FCHSD2: variants seen among roughly 807,000 people sequenced by gnomAD.
FCHSD2 encodes the protein F-BAR and double SH3 domains protein 2.
In FCHSD2, 38 loss-of-function variants were observed where a neutral mutation model predicts 108.1. The ratio of observed to expected loss-of-function variants is 0.35; its 90% CI spans 0.27 to 0.46. The LOEUF is 0.46. FCHSD2 is among the 20% of genes least tolerant of loss of function. The pLI is 1.00. For missense variants in FCHSD2, 751 were observed against 897.8 expected (o/e 0.84, Z 2.09); for synonymous variants, 279 against 314.7 (o/e 0.89, Z 1.20).
chr11:73,005,724 C>T (rs1857726273), intron 4 of FCHSD2, among the ~76,000 whole-genome samples: 2 of 152,102 alleles, frequency 1.3e-5, no homozygotes, highest in Non-Finnish European at 2.9e-5. Flanking sequence ...TGACTGTAGC[C>T]TCAAACGCCT....
intron 3 of FCHSD2, among the ~76,000 whole-genome samples, chr11:73,039,435 T>C (rs1174180925): frequency 2.6e-5 from 4 of 151,896 alleles, no homozygotes; most frequent in African/African-American, 9.7e-5. Context: ...AGAGACTCGC[T>C]TGAACCCGGG....
intron 4 of FCHSD2, among the ~76,000 whole-genome samples, chr11:73,002,748 T>C (rs188209915): frequency 6.6e-6 from 1 of 152,192 alleles, no homozygotes; most frequent in Non-Finnish European, 1.5e-5. Context: ...AGTCTCAGTT[T>C]AAATGTAACT....
intron 2 of FCHSD2, among the ~76,000 whole-genome samples, chr11:73,104,304 T>C (rs1282463136): frequency 6.6e-6 from 1 of 152,270 alleles, no homozygotes; most frequent in Non-Finnish European, 1.5e-5. Context: ...TCTCACTCTG[T>C]TGCCCAGGCT....
chr11:72,921,720 C>T (rs1449824926), intron 9 of FCHSD2, 108 bp downstream of exon 9: 7 of 828,590 alleles, frequency 8.4e-6, no homozygotes, highest in South Asian at 1.8e-5. Flanking sequence ...GAAATTTGTT[C>T]GTTAATGCAT....
chr11:72,976,012 T>C (rs1043479776), intron 8 of FCHSD2, among the ~76,000 whole-genome samples: 2 of 152,194 alleles, frequency 1.3e-5, no homozygotes, highest in Non-Finnish European at 2.9e-5. Context: ...GAACATGCTA[T>C]GAAAAAGGAA....
chr11:73,013,453 A>G (rs1857903921), intron 4 of FCHSD2, among the ~76,000 whole-genome samples: 2 of 152,222 alleles, frequency 1.3e-5, no homozygotes, highest in Non-Finnish European at 2.9e-5. Context: ...AAGGACAGAC[A>G]ACATATCTTC....
chr11:73,060,741 G>C, intron 3 of FCHSD2, among the ~76,000 whole-genome samples: 1 of 152,184 alleles, frequency 6.6e-6, no homozygotes, highest in East Asian at 1.9e-4. Context: ...GGCCAGAAAA[G>C]CAAAGCTGTG....
chr11:72,956,136 G>A (rs184415678), intron 8 of FCHSD2, among the ~76,000 whole-genome samples: 32 of 152,218 alleles, frequency 2.1e-4, no homozygotes, highest in Admixed American at 1.1e-3. Context: ...CAATTTGAGC[G>A]TAAAAATAAA....
intron 3 of FCHSD2, among the ~76,000 whole-genome samples, chr11:73,017,707 T>G (rs1858005072): frequency 2.6e-5 from 4 of 152,214 alleles, no homozygotes; most frequent in African/African-American, 7.2e-5. Context: ...TTTTCACCTC[T>G]GCACCTTGTT....
chr11:72,908,740 C>A (rs1301492211), intron 9 of FCHSD2, among the ~76,000 whole-genome samples: 1 of 152,114 alleles, frequency 6.6e-6, no homozygotes, highest in Non-Finnish European at 1.5e-5. Context: ...AATCTCAGCT[C>A]ACTGCAGCCT....
chr11:73,056,216 T>C (rs1328418152), intron 3 of FCHSD2, among the ~76,000 whole-genome samples: 1 of 152,168 alleles, frequency 6.6e-6, no homozygotes, highest in Non-Finnish European at 1.5e-5. Context: ...GGACATGTCT[T>C]CTGGGTAAAC....
chr11:72,953,121 A>C (rs1392628954), intron 8 of FCHSD2, among the ~76,000 whole-genome samples: 4 of 152,356 alleles, frequency 2.6e-5, no homozygotes, highest in Admixed American at 6.5e-5. Context: ...AGTAAAACAC[A>C]CCAGAAAACA....
At chr11:73,007,361 A>C (rs1857762968) in intron 4 of FCHSD2, among the ~76,000 whole-genome samples, 1 of 152,138 alleles carries the variant, frequency 6.6e-6, no homozygotes, top group African/African-American at 2.4e-5. Context: ...TGGCTCACGC[A>C]TGTAATCCCA....
chr11:72,887,420 G>T, intron 12 of FCHSD2, 50 bp downstream of exon 12: 2 of 1,115,368 alleles, frequency 1.8e-6, no homozygotes, highest in Non-Finnish European at 2.7e-6. Flanking sequence ...TCACAGCTGT[G>T]ACAGTGTCAT....
chr11:73,054,381 GA>G (rs368911084), intron 3 of FCHSD2, among the ~76,000 whole-genome samples: 17 of 147,858 alleles, frequency 1.1e-4, no homozygotes, highest in Non-Finnish European at 2.1e-4. Context: ...CAGGGGGCTA[GA>G]AAAAAAAAAG....
rs537272117 is a variant in FCHSD2, at chr11:72,851,088, C to T, written c.1309-1199G>A. On this transcript the variant is annotated intron_variant, in intron 13 of 19. Transcript: ENST00000409418. ...CTGCACTACAGCTGGGGCGACACAG[C>T]GTGACTCTGTCTCAAAAAAAAAAAA... Among the ~76,000 whole-genome samples, 10 of 104,834 alleles carry T rather than the reference C, an allele frequency of 9.5e-5. No homozygotes were observed. The South Asian group carries it at 2.1e-3, about 22-fold the overall frequency. 68.8% of individuals were successfully genotyped at this position (104,834 alleles called of 152,430 possible).
At chr11:72,882,604 G>T (rs1327775703) in intron 12 of FCHSD2, among the ~76,000 whole-genome samples, 1 of 152,124 alleles carries the variant, frequency 6.6e-6, no homozygotes, top group African/African-American at 2.4e-5. Flanking sequence ...ACTCTAATTT[G>T]ATCATTATAC....
intron 4 of FCHSD2, among the ~76,000 whole-genome samples, chr11:73,006,311 T>C (rs540020710): frequency 1.3e-5 from 2 of 152,268 alleles, no homozygotes; most frequent in African/African-American, 4.8e-5. Context: ...ACACCTAACA[T>C]GTACAAAACT....
chr11:72,881,846 A>G (rs10898888), intron 12 of FCHSD2, among the ~76,000 whole-genome samples: 148,285 of 152,334 alleles, frequency 0.97, 72,240 homozygotes, highest in East Asian at 1. Flanking sequence ...ATAGAAGTAG[A>G]GAGTAGAGGC....
Sources: gnomAD v4.1 joint callset for allele counts (sites outside exome capture counted in the v4.1 genomes callset) on GRCh38, gnomAD v4.1.1 for gene constraint, MANE v1.5 for transcripts, NCBI Gene and HGNC (gene_info 2026-07-23, HGNC 2026-07-21) for gene names.